INSC: variants seen among roughly 807,000 people sequenced by gnomAD.
INSC encodes the protein protein inscuteable homolog.
INSC carries 67 observed loss-of-function variants against 58.6 expected under a neutral mutation model. The observed-to-expected ratio is 1.14, with a 90% confidence interval of 0.94 to 1.40. The LOEUF (loss-of-function observed/expected upper bound fraction) is 1.40. INSC is among the 40% of genes most tolerant of loss of function. The probability of loss-of-function intolerance (pLI) is 0.00; values close to 1 mark genes in which losing one functional copy is unlikely to be tolerated. For synonymous variants in INSC, 262 were observed against 276.1 expected (o/e 0.95, Z 0.51); for missense variants, 714 against 692.0 (o/e 1.03, Z -0.36).
chr11:15,116,049 C>A (rs1420583753), intron 1 of INSC, among the ~76,000 whole-genome samples: 2 of 152,052 alleles, frequency 1.3e-5, no homozygotes, highest in Non-Finnish European at 2.9e-5. Context: ...GATGTGGTGC[C>A]TTTGAGGGGT....
intron 2 of INSC, among the ~76,000 whole-genome samples, chr11:15,152,277 T>TG (rs1374204920): frequency 1.3e-5 from 2 of 152,170 alleles, no homozygotes. Context: ...CAACTGATCT[T>TG]GTAGGAAGAT....
chr11:15,236,333 G>A (rs1339590113), intron 10 of INSC, among the ~76,000 whole-genome samples: 8 of 152,024 alleles, frequency 5.3e-5, no homozygotes, highest in Admixed American at 5.2e-4. Context: ...GGGTCATGAG[G>A]AGAAGGCAAA....
In INSC at chr11:15,247,164, T is replaced by C. The variant is rs570124185; in HGVS notation, c.*1124T>C. ...TACAATATAATATAATTGTGTAAAATCATGATTATAATAATGTTTCAATAA... is the reference window on the plus strand; with the variant it reads ...TACAATATAATATAATTGTGTAAAACCATGATTATAATAATGTTTCAATAA... On this transcript the variant is annotated 3_prime_UTR_variant, in exon 13 of 13. Transcript: ENST00000379556. 6.6e-5 allele frequency: 10 copies of C among 152,266 alleles called. No individual in the cohort carries two copies. The East Asian group carries it at 1.9e-3, about 29-fold the overall frequency. 9.4% of individuals were successfully genotyped at this position (152,266 alleles called of 1,614,324 possible). A position where few individuals can be genotyped will look rare whatever the true frequency, so the allele number is the denominator to read the frequency against.
intron 2 of INSC, among the ~76,000 whole-genome samples, chr11:15,173,209 T>G (rs1481155103): frequency 6.6e-6 from 1 of 152,010 alleles, no homozygotes; most frequent in Non-Finnish European, 1.5e-5. Context: ...AGGATTCTGC[T>G]GGAGGACTTG....
rs368059339 is a variant in INSC, at chr11:15,221,537, C to A, written c.880C>A (p.Arg294=). ...CGACAACAGCCACTCAGAGGCCACA[C>A]GGGCTGAGGCTGCGGCTGTGGTGGC... ...LTDNSHSEAT[R]AEAAAVVAQV... The change falls in exon 8 of 13, where the codon CGG becomes AGG. Residue 294 remains arginine (R), a synonymous_variant. Transcript: ENST00000379556. The A allele has an allele frequency of 6.2e-7, 1 of 1,614,010 alleles. No individual in the cohort carries two copies. The highest frequency in any genetic ancestry group is 1.1e-5 in the South Asian group (1 of 91,034).
At chr11:15,189,748 G>A (rs929648677) in intron 5 of INSC, among the ~76,000 whole-genome samples, 19 of 152,170 alleles carry the variant, frequency 1.2e-4, no homozygotes, top group Non-Finnish European at 7.4e-5. Context: ...TGAGGCCCTC[G>A]AAGGTTGCTC....
intron 5 of INSC, among the ~76,000 whole-genome samples, chr11:15,180,698 G>A (rs1270269946): frequency 8.8e-6 from 1 of 113,996 alleles, no homozygotes; most frequent in Non-Finnish European, 1.8e-5. Context: ...GGGGGGCGGG[G>A]GGGGGTGGTG....
chr11:15,239,496 C>A (rs1179641939), intron 11 of INSC, among the ~76,000 whole-genome samples: 1 of 152,140 alleles, frequency 6.6e-6, no homozygotes, highest in African/African-American at 2.4e-5. Flanking sequence ...TTAACTCATT[C>A]ATTAATTCAC....
At chr11:15,133,441 C>T (rs1056570138) in intron 1 of INSC, among the ~76,000 whole-genome samples, 2 of 152,232 alleles carry the variant, frequency 1.3e-5, no homozygotes, top group Non-Finnish European at 2.9e-5. Flanking sequence ...ATCAAGTCCC[C>T]TGTCCCCACA....
At chr11:15,224,547 T>C (rs900529785) in intron 8 of INSC, among the ~76,000 whole-genome samples, 2 of 152,206 alleles carry the variant, frequency 1.3e-5, no homozygotes. Flanking sequence ...TTCTGAAGTA[T>C]GGCCTTGCCT....
intron 9 of INSC, among the ~76,000 whole-genome samples, chr11:15,234,960 C>A (rs1852064893): frequency 6.6e-6 from 1 of 152,190 alleles, no homozygotes; most frequent in Admixed American, 6.5e-5. Flanking sequence ...GTGTCAATAC[C>A]CCATTTCCTA....
At chr11:15,122,416 G>T (rs959910472) in intron 1 of INSC, among the ~76,000 whole-genome samples, 1 of 152,188 alleles carries the variant, frequency 6.6e-6, no homozygotes. Flanking sequence ...CACAGTGACC[G>T]GTGAATGCAG....
rs745976928 is a variant in INSC, at chr11:15,225,729, A to T, written c.1071A>T (p.Thr357=). ...TTGCCAACATCACGTTCTTTGACAC[A>T]ATGGCCTGCGAGATGCTCCTGCAGT... ...AALANITFFD[T]MACEMLLQLN... is the part of the protein sequence containing the mutation. Residue 357 remains threonine (T), a synonymous_variant, in exon 9 of 13, where the codon ACA becomes ACT. Coordinates refer to ENST00000379556, the MANE Select transcript of INSC (RefSeq NM_001042536.3). 1 of 1,614,106 alleles carries T rather than the reference A, an allele frequency of 6.2e-7. No homozygotes were observed. The highest frequency in any genetic ancestry group is 2.2e-5 in the East Asian group (1 of 44,872).
In INSC at chr11:15,243,889, T is replaced by TC. The variant is rs1325751664; in HGVS notation, c.1471-2022dup. On this transcript the variant is annotated intron_variant, in intron 12 of 12. Coordinates refer to ENST00000379556, the MANE Select transcript of INSC (RefSeq NM_001042536.3). ...CTCTTTTATTTTCTTTGCCACTATT[T>TC]CTTTTTTTTTTTTCCTCCATCTCTT... 7.4e-4 allele frequency among the ~76,000 whole-genome samples: 109 copies of TC among 146,974 alleles called. No homozygotes were observed. The Middle Eastern group carries it at 0.024, about 33-fold the overall frequency.
chr11:15,184,721 A>T (rs909059124), intron 5 of INSC, among the ~76,000 whole-genome samples: 4 of 152,244 alleles, frequency 2.6e-5, no homozygotes, highest in African/African-American at 9.6e-5. Context: ...AAATGAAGTC[A>T]GGTCTTTACT....
At chr11:15,168,730 C>T (rs1849286819) in intron 2 of INSC, among the ~76,000 whole-genome samples, 1 of 152,100 alleles carries the variant, frequency 6.6e-6, no homozygotes, top group South Asian at 2.1e-4. Flanking sequence ...AAAACACAAA[C>T]TTATGTTGTT....
At chr11:15,171,999 T>C (rs1246114022) in intron 2 of INSC, among the ~76,000 whole-genome samples, 1 of 152,188 alleles carries the variant, frequency 6.6e-6, no homozygotes, top group Non-Finnish European at 1.5e-5. Flanking sequence ...GGATCACCCC[T>C]GTGTTTGGGA....
At chr11:15,196,869 G>A (rs1030983274) in intron 6 of INSC, among the ~76,000 whole-genome samples, 1 of 152,204 alleles carries the variant, frequency 6.6e-6, no homozygotes, top group African/African-American at 2.4e-5. Flanking sequence ...GTAAGGGACT[G>A]AACTGGAATT....
intron 1 of INSC, among the ~76,000 whole-genome samples, chr11:15,117,374 C>G (rs1480576414): frequency 6.6e-6 from 1 of 152,150 alleles, no homozygotes; most frequent in Non-Finnish European, 1.5e-5. Flanking sequence ...GATCTAGCTT[C>G]TCTTTGGCCT....
Sources: allele counts gnomAD v4.1 joint callset (sites outside exome capture counted in the v4.1 genomes callset), GRCh38; gene constraint gnomAD v4.1.1; transcripts MANE v1.5; gene names NCBI Gene and HGNC (gene_info 2026-07-23, HGNC 2026-07-21).